ZNF737: variants seen among roughly 807,000 people sequenced by gnomAD.
ZNF737 encodes zinc finger protein 737, also known as zinc finger protein 102 (Y3).
In ZNF737, 13 loss-of-function variants were observed where a neutral mutation model predicts 11.7. The ratio of observed to expected loss-of-function variants is 1.11; its 90% CI spans 0.73 to 1.77. The LOEUF is 1.77. Ranked by LOEUF, ZNF737 falls within the 40% of genes most tolerant of loss-of-function variation. The probability of loss-of-function intolerance (pLI) is 0.00; values close to 1 mark genes in which losing one functional copy is unlikely to be tolerated. For missense variants in ZNF737, 636 were observed against 638.0 expected, an observed-to-expected ratio of 1.00 and a Z score of 0.03; for synonymous variants, 217 against 216.2, an observed-to-expected ratio of 1.00 and a Z score of -0.03.
At position 20,544,933 on chromosome 19, in the gene ZNF737, G is replaced by C; in HGVS notation, c.1270C>G (p.Pro424Ala). 6.2e-7 allele frequency: 1 copy of C among 1,613,014 alleles called. No homozygotes were observed. Among genetic ancestry groups the C allele is most frequent in the Non-Finnish European group, 8.5e-7 (1 of 1,179,550 alleles). The change falls in exon 4 of 4, where the codon CCC becomes GCC. Residue 424 changes from proline (P) to alanine (A), a missense_variant. Transcript: ENST00000427401. ...TTGCCACATTCTTCACACTTGAAGGGTTGCTGTCCAGTATGGATTATCTTA... is the reference window on the plus strand; with the variant it reads ...TTGCCACATTCTTCACACTTGAAGGCTTGCTGTCCAGTATGGATTATCTTA... ...THKIIHTGQQ[P>A]FKCEECGKAF...
the ZNF737 span, among the ~76,000 whole-genome samples, chr19:20,530,353 CG>C: frequency 7.2e-6 from 1 of 139,536 alleles, no homozygotes; most frequent in Non-Finnish European, 1.6e-5. Flanking sequence ...GCTGGCCGGG[CG>C]GGGGGCTGAC....
At chr19:20,546,386 G>A (rs1040571134) in intron 3 of ZNF737, among the ~76,000 whole-genome samples, 4 of 152,086 alleles carry the variant, frequency 2.6e-5, no homozygotes, top group South Asian at 2.1e-4. Context: ...TGAGAAATTC[G>A]CCCCCATGAC....
intron 2 of ZNF737, among the ~76,000 whole-genome samples, chr19:20,553,315 A>G (rs891662490): frequency 6.6e-6 from 1 of 151,976 alleles, no homozygotes. Context: ...CTGGAGTGCA[A>G]TGGCATTATT....
intron 1 of ZNF737, among the ~76,000 whole-genome samples, chr19:20,555,833 T>TTTC (rs1301900108): frequency 6.6e-6 from 1 of 152,024 alleles, no homozygotes; most frequent in Non-Finnish European, 1.5e-5. Context: ...AGCCTTTTTT[T>TTTC]TTTGTTCTCC....
intron 1 of ZNF737, among the ~76,000 whole-genome samples, chr19:20,559,906 C>T (rs12973967): frequency 0.76 from 115,105 of 151,192 alleles, 43,877 homozygotes; most frequent in East Asian, 0.82. Flanking sequence ...GTGGTTCACG[C>T]CTGTAATCCC....
At chr19:20,554,588 TA>T (rs1346760694) in intron 1 of ZNF737, among the ~76,000 whole-genome samples, 23 of 152,336 alleles carry the variant, frequency 1.5e-4, no homozygotes, top group Admixed American at 9.2e-4. Context: ...TTAACTTCAC[TA>T]GAAGAAATTT....
Position 20,544,697 on chromosome 19 carries a change from A to C in ZNF737, c.1506T>G (p.Ile502Met), listed in dbSNP as rs782439803. The change falls in exon 4 of 4, where the codon ATT becomes ATG. Residue 502 changes from isoleucine to methionine, a missense_variant. Coordinates refer to ENST00000427401, the MANE Select transcript of ZNF737 (RefSeq NM_001159293.2). The stretch of plus-strand genomic sequence containing the variant: ...ATTTGTAGGGTTTCTCTCCAGTATG[A>C]ATTCTCTTATGTCTAGTAAGGATAA... ...RSFILTRHKR[I>M]HTGEKPYKCE... 3.1e-6 allele frequency: 5 copies of C among 1,606,964 alleles called. No homozygotes were observed. Among genetic ancestry groups the C allele is most frequent in the Non-Finnish European group, 4.2e-6 (5 of 1,177,598 alleles).
chr19:20,552,707 A>C, intron 2 of ZNF737, 137 bp from the exon 3 acceptor site: 1 of 579,206 alleles, frequency 1.7e-6, no homozygotes, highest in Non-Finnish European at 2.6e-6. Context: ...AGAAATTTCT[A>C]AATATTTAGA....
intron 1 of ZNF737, among the ~76,000 whole-genome samples, chr19:20,561,916 AT>A (rs1969112912): frequency 6.6e-6 from 1 of 152,162 alleles, no homozygotes; most frequent in Non-Finnish European, 1.5e-5. Context: ...AGTTTAATAT[AT>A]AAGATGCAGC....
Position 20,551,516 on chromosome 19 carries a change from A to G in ZNF737, c.226+959T>C, listed in dbSNP as rs187875649. On this transcript the variant is annotated intron_variant, in intron 3 of 3. Coordinates refer to ENST00000427401, the MANE Select transcript of ZNF737 (RefSeq NM_001159293.2). The stretch of plus-strand genomic sequence containing the variant: ...GTAAAAGTTGCTGTTTGTGGATCAT[A>G]CATCTTACATTTTAAAAACCATAAA... Among the ~76,000 whole-genome samples, 6 of 152,112 alleles carry G rather than the reference A, an allele frequency of 3.9e-5. No individual in the cohort carries two copies. The East Asian group carries it at 1.2e-3, about 29-fold the overall frequency.
At chr19:20,556,650 C>T (rs1968899468) in intron 1 of ZNF737, among the ~76,000 whole-genome samples, 1 of 152,198 alleles carries the variant, frequency 6.6e-6, no homozygotes, top group Admixed American at 6.5e-5. Flanking sequence ...ATACTTAGCA[C>T]TCTTGTCACA....
intron 3 of ZNF737, among the ~76,000 whole-genome samples, chr19:20,548,962 G>GA (rs3047010): frequency 0.51 from 43,935 of 86,188 alleles, 10,603 homozygotes; most frequent in Non-Finnish European, 0.57. Flanking sequence ...AAGAAAAACT[G>GA]AAAAAAAAAA....
In ZNF737 at chr19:20,539,770, C is replaced by G; in HGVS notation, c.*4822G>C. ...GTAAGTTCAATTTTAGGACATTACC[C>G]ACTGGTCTTCATGGCATTTCTGTAA... is the stretch of plus-strand genomic sequence containing the variant. On this transcript the variant is annotated 3_prime_UTR_variant, in exon 4 of 4. Transcript: ENST00000427401. The G allele has an allele frequency of 1.0e-6, 1 of 985,356 alleles. No individual in the cohort carries two copies. The highest frequency in any genetic ancestry group is 1.2e-6 in the Non-Finnish European group (1 of 829,904). The allele number at this position is 985,356 out of a possible 1,614,324, so 61.0% of individuals were successfully genotyped here. A position where few individuals can be genotyped will look rare whatever the true frequency, so the allele number is the denominator to read the frequency against.
intron 1 of ZNF737, among the ~76,000 whole-genome samples, chr19:20,554,630 C>T (rs1371643615): frequency 6.6e-6 from 1 of 152,136 alleles, no homozygotes; most frequent in African/African-American, 2.4e-5. Flanking sequence ...TAGAAGAACA[C>T]AGCATCACTG....
intron 2 of ZNF737, 76 bp from the exon 3 acceptor site, chr19:20,552,646 C>A: frequency 1.1e-6 from 1 of 948,016 alleles, no homozygotes; most frequent in South Asian, 2.0e-5. Context: ...CTCGCAAAGA[C>A]AATGTAATAA....
In ZNF737 at chr19:20,553,269, T is replaced by A. The variant is rs904147873; in HGVS notation, c.130+440A>T. Among the ~76,000 whole-genome samples the A allele has an allele frequency of 1.4e-4, 22 of 152,276 alleles. 2 individuals are homozygous for A. The highest frequency in any genetic ancestry group is 9.8e-4 in the Admixed American group (15 of 15,292). ...AGAAATTTTTTTCTTTTCTTTTTTTTTCCCCTTGAGACAAAATCTTGCTCT... is the reference window on the plus strand; with the variant it reads ...AGAAATTTTTTTCTTTTCTTTTTTTATCCCCTTGAGACAAAATCTTGCTCT... On this transcript the variant is annotated intron_variant, in intron 2 of 3. Transcript: ENST00000427401.
Position 20,543,462 on chromosome 19 carries a change from T to G in ZNF737, c.*1130A>C. The G allele has an allele frequency of 1.0e-6, 1 of 985,200 alleles. No individual in the cohort carries two copies. Among genetic ancestry groups the G allele is most frequent in the Non-Finnish European group, 1.2e-6 (1 of 829,420 alleles). 61.0% of individuals were successfully genotyped at this position (985,200 alleles called of 1,614,324 possible). On this transcript the variant is annotated 3_prime_UTR_variant, in exon 4 of 4. Transcript: ENST00000427401. ...TTGACAGTAATTGCCATTTTAATGC[T>G]TTTATTAAAAGGAAGATTTTTATGT...
downstream of ZNF737, among the ~76,000 whole-genome samples, chr19:20,533,959 C>G (rs569726110): frequency 6.7e-6 from 1 of 150,154 alleles, no homozygotes; most frequent in South Asian, 2.2e-4. Context: ...CTAATGGGCT[C>G]ATCAGTTGAG....
In ZNF737 at chr19:20,545,204, T is replaced by C. The variant is rs782235045; in HGVS notation, c.999A>G (p.Arg333=). The change falls in exon 4 of 4, where the codon AGA becomes AGG. Residue 333 remains arginine, a synonymous_variant. Coordinates refer to ENST00000427401, the MANE Select transcript of ZNF737 (RefSeq NM_001159293.2). ...KHPSVLTTHK[R]IHTGEKPYKC... Reference sequence around the variant, plus strand: ...TGTAGGGTTTCTCTCCAGTATGAATTCTTTTATGTGTAGTAAGGACAGAGG... The same window carrying C: ...TGTAGGGTTTCTCTCCAGTATGAATCCTTTTATGTGTAGTAAGGACAGAGG... 1.9e-6 allele frequency: 3 copies of C among 1,613,940 alleles called. No individual in the cohort carries two copies. Among genetic ancestry groups the C allele is most frequent in the Non-Finnish European group, 2.5e-6 (3 of 1,179,988 alleles).
Sources: gnomAD v4.1 joint callset for allele counts (sites outside exome capture counted in the v4.1 genomes callset) on GRCh38, gnomAD v4.1.1 for gene constraint, MANE v1.5 for transcripts, NCBI Gene and HGNC (gene_info 2026-07-23, HGNC 2026-07-21) for gene names.